The following RGS12 variants were observed in gnomAD, a reference collection of about 807,000 sequenced individuals.
RGS12 encodes regulator of G protein signaling 12, also known as regulator of G-protein signaling 12.
Under a neutral mutation model 120.1 loss-of-function variants are expected in RGS12, and 66 were observed. That is an observed-to-expected ratio of 0.55 (90% CI 0.45 to 0.67). The LOEUF (loss-of-function observed/expected upper bound fraction) is 0.67. Ranked by LOEUF, RGS12 falls within the 30% of genes least tolerant of loss-of-function variation. RGS12 has a pLI of 0.00. For synonymous variants in RGS12, 827 were observed against 804.7 expected (o/e 1.03, Z -0.47); for missense variants, 1,859 against 1,957.7 (o/e 0.95, Z 0.95).
intron 1 of RGS12, among the ~76,000 whole-genome samples, chr4:3,313,515 G>A (rs1047960846): frequency 5.3e-5 from 8 of 152,174 alleles, no homozygotes; most frequent in African/African-American, 1.9e-4. Context: ...GTTTCCTGGG[G>A]TTGCTGAAAG....
rs1294404763 is a variant in RGS12, at chr4:3,414,068, G to A, written c.2021-4G>A. On this transcript the variant is annotated splice_region_variant and splice_polypyrimidine_tract_variant and intron_variant, in intron 4 of 17. Transcript: ENST00000336727. Reference sequence around the variant, plus strand: ...TGCAGGTGCTGTCTGTGCTGGTCCCGCAGAGTTGACGGGCGCCGACCTGAA... The same window carrying A: ...TGCAGGTGCTGTCTGTGCTGGTCCCACAGAGTTGACGGGCGCCGACCTGAA... 6 of 1,550,814 alleles carry A rather than the reference G, an allele frequency of 3.9e-6. No individual in the cohort carries two copies. Among genetic ancestry groups the A allele is most frequent in the Middle Eastern group, 1.8e-4 (1 of 5,688 alleles).
chr4:3,294,477 C>T (rs1178496609), intron 1 of RGS12, among the ~76,000 whole-genome samples: 1 of 152,256 alleles, frequency 6.6e-6, no homozygotes, highest in African/African-American at 2.4e-5. Context: ...TGCGAAGTTT[C>T]TTCCCCTGAA....
Position 3,420,666 on chromosome 4 carries a change from T to G in RGS12, c.2786T>G (p.Leu929Arg), listed in dbSNP as rs1370466211. The change falls in exon 10 of 18, where the codon CTG becomes CGG. Residue 929 changes from leucine to arginine, a missense_variant. By Grantham distance (102) the Leu-to-Arg change is moderately radical (BLOSUM62 -2). Around this residue, in one of 3 missense-constraint regions of RGS12, gnomAD observed 375 missense variants for 475.0 expected, o/e 0.79. Coordinates refer to ENST00000336727, the MANE Select transcript of RGS12 (RefSeq NM_001394154.1). The stretch of plus-strand genomic sequence containing the variant: ...GACGCCCTGCATGCCAATGGAGGCC[T>G]GTGTCGCCGAGAGTCGCAGGGCTCT... ...ADDALHANGG[L>R]CRRESQGSVS... 1 of 1,613,448 alleles carries G rather than the reference T, an allele frequency of 6.2e-7. No individual in the cohort carries two copies. The highest frequency in any genetic ancestry group is 2.2e-5 in the East Asian group (1 of 44,890).
intron 15 of RGS12, 108 bp from the exon 16 acceptor site, chr4:3,428,450 C>T (rs1229611703): frequency 2.0e-6 from 2 of 1,012,978 alleles, no homozygotes; most frequent in Non-Finnish European, 2.9e-6. Context: ...CATGTAAATT[C>T]TGTATCAATG....
rs1724879231 is a variant in RGS12 at position 3,317,676 on chromosome 4, A to G, written c.1506A>G (p.Leu502=). ...TDRFWDLNKH[L]GPASPVEVPP... ...GGTTCTGGGACCTAAACAAGCACCT[A>G]GGGCCAGCCTCTCCTGTGGAGGTGC... is the stretch of plus-strand genomic sequence containing the variant. Residue 502 remains leucine (L), a synonymous_variant, in exon 2 of 18, where the codon CTA becomes CTG. Transcript: ENST00000336727. The G allele has an allele frequency of 6.2e-7, 1 of 1,608,388 alleles. No homozygotes were observed. Among genetic ancestry groups the G allele is most frequent in the Non-Finnish European group, 8.5e-7 (1 of 1,176,360 alleles).
chr4:3,383,505 C>T (rs956667011), intron 3 of RGS12, among the ~76,000 whole-genome samples: 3 of 151,916 alleles, frequency 2.0e-5, no homozygotes, highest in Admixed American at 2.0e-4. Context: ...ACTTAGGAGG[C>T]TGACATGGGA....
At chr4:3,421,196 G>T (rs1039985211) in intron 10 of RGS12, among the ~76,000 whole-genome samples, 3 of 152,182 alleles carry the variant, frequency 2.0e-5, no homozygotes, top group Non-Finnish European at 2.9e-5. Context: ...CTTGGCTGGT[G>T]CTCGTCCTGG....
chr4:3,420,907 C>T (rs1039765571), intron 10 of RGS12, among the ~76,000 whole-genome samples, 189 bp downstream of exon 10: 5 of 152,262 alleles, frequency 3.3e-5, no homozygotes, highest in African/African-American at 1.2e-4. Context: ...CCCCATCAGG[C>T]CCCGGCCTCA....
chr4:3,422,838 C>T (rs1723172158), intron 11 of RGS12, 67 bp from the exon 12 acceptor site: 11 of 1,363,184 alleles, frequency 8.1e-6, no homozygotes, highest in Non-Finnish European at 1.2e-5. Flanking sequence ...GTGCCTGGGG[C>T]ACGTGGGTCT....
intron 17 of RGS12, among the ~76,000 whole-genome samples, chr4:3,439,058 G>A (rs2109280680): frequency 6.6e-6 from 1 of 152,200 alleles, no homozygotes; most frequent in South Asian, 2.1e-4. Flanking sequence ...AGCCCCCTGG[G>A]GGTGGCCCTT....
chr4:3,356,307 G>C (rs951389325), intron 3 of RGS12, among the ~76,000 whole-genome samples: 2 of 151,838 alleles, frequency 1.3e-5, no homozygotes, highest in African/African-American at 4.8e-5. Context: ...CACCTGCCTT[G>C]GCCTCCCAAA....
intron 2 of RGS12, among the ~76,000 whole-genome samples, chr4:3,332,239 G>A (rs1331064440): frequency 2.6e-5 from 4 of 152,196 alleles, no homozygotes; most frequent in South Asian, 2.1e-4. Context: ...CTGCAGAACC[G>A]GAAGTGTCTT....
chr4:3,337,402 A>T (rs1192488598), intron 2 of RGS12, among the ~76,000 whole-genome samples: 1 of 152,248 alleles, frequency 6.6e-6, no homozygotes, highest in Non-Finnish European at 1.5e-5. Context: ...GGTCTTGAGG[A>T]GATGCTCTTT....
rs771165478 is a variant in RGS12 at position 3,428,176 on chromosome 4, C to T, written c.3411+7C>T. ...CAGAAACCACTCGGCTACGGTAATT[C>T]CCCACCCTGGCCCACCCTGTGCCCT... On this transcript the variant is annotated splice_region_variant and intron_variant, in intron 15 of 17. Coordinates refer to ENST00000336727, the MANE Select transcript of RGS12 (RefSeq NM_001394154.1). The T allele has an allele frequency of 6.2e-7, 1 of 1,612,448 alleles. No homozygotes were observed. The highest frequency in any genetic ancestry group is 8.5e-7 in the Non-Finnish European group (1 of 1,178,856).
At chr4:3,398,288 T>A (rs1310740812) in intron 4 of RGS12, among the ~76,000 whole-genome samples, 5 of 152,120 alleles carry the variant, frequency 3.3e-5, no homozygotes, top group African/African-American at 9.7e-5. Context: ...GGAGAAAAAC[T>A]CTCCACTTTG....
At chr4:3,327,239 C>T (rs1725607509) in intron 2 of RGS12, among the ~76,000 whole-genome samples, 1 of 152,200 alleles carries the variant, frequency 6.6e-6, no homozygotes, top group African/African-American at 2.4e-5. Context: ...ATTGGATTGC[C>T]CTGTGTAGAA....
intron 2 of RGS12, 71 bp downstream of exon 2, chr4:3,318,122 C>G: frequency 1.6e-6 from 2 of 1,247,212 alleles, no homozygotes; most frequent in Non-Finnish European, 2.2e-6. Flanking sequence ...GAGGTGACTC[C>G]CAGTCACCAG....
At chr4:3,333,175 G>A (rs1043601841) in intron 2 of RGS12, among the ~76,000 whole-genome samples, 5 of 151,642 alleles carry the variant, frequency 3.3e-5, no homozygotes, top group Middle Eastern at 3.2e-3. Context: ...TCAGCCTCCC[G>A]CGTAGCTGGG....
At chr4:3,355,229 C>T (rs568450575) in intron 3 of RGS12, among the ~76,000 whole-genome samples, 7 of 152,122 alleles carry the variant, frequency 4.6e-5, no homozygotes, top group African/African-American at 7.2e-5. Context: ...TGGTGAAATT[C>T]GGTATCCATT....
Sources: gnomAD v4.1 joint callset for allele counts (sites outside exome capture counted in the v4.1 genomes callset) on GRCh38, gnomAD v4.1.1 for gene constraint, gnomAD v4.1.1 regional missense constraint, MANE v1.5 for transcripts, NCBI Gene and HGNC (gene_info 2026-07-23, HGNC 2026-07-21) for gene names.